The following EPHA3 variants were observed in gnomAD, a reference collection of about 807,000 sequenced individuals.
The protein encoded by EPHA3 is ephrin type-A receptor 3.
In EPHA3, 42 loss-of-function variants were observed where a neutral mutation model predicts 107.1. The ratio of observed to expected loss-of-function variants is 0.39; its 90% CI spans 0.31 to 0.51. EPHA3 has a LOEUF of 0.51. Among genes scored for constraint, EPHA3 ranks in the 20% least tolerant of loss-of-function variants. The pLI is 0.78. For synonymous variants in EPHA3, 461 were observed against 424.8 expected (o/e 1.09, Z -1.05); for missense variants, 1,183 against 1,211.2 (o/e 0.98, Z 0.35).
intron 6 of EPHA3, among the ~76,000 whole-genome samples, chr3:89,396,524 G>A (rs1176140160): frequency 2.0e-5 from 3 of 151,922 alleles, no homozygotes; most frequent in Non-Finnish European, 4.4e-5. Context: ...AAAAAAAATA[G>A]GCACATGGTT....
At chr3:89,392,257 T>C (rs566247800) in intron 5 of EPHA3, among the ~76,000 whole-genome samples, 3 of 152,124 alleles carry the variant, frequency 2.0e-5, no homozygotes, top group Non-Finnish European at 4.4e-5. Flanking sequence ...CTTGCCAACA[T>C]GCGAAACCCT....
intron 2 of EPHA3, among the ~76,000 whole-genome samples, chr3:89,199,583 C>G (rs1559596680): frequency 2.0e-5 from 3 of 152,102 alleles, no homozygotes; most frequent in Non-Finnish European, 2.9e-5. Flanking sequence ...TCTTTGAATA[C>G]TTTTAATAAT....
intron 7 of EPHA3, among the ~76,000 whole-genome samples, chr3:89,405,695 G>A (rs1376291238): frequency 1.3e-5 from 2 of 152,122 alleles, no homozygotes; most frequent in Admixed American, 1.3e-4. Flanking sequence ...TCCTGGGGAG[G>A]TGATAGTATT....
intron 7 of EPHA3, among the ~76,000 whole-genome samples, chr3:89,404,985 T>C (rs1447688663): frequency 2.0e-5 from 3 of 152,190 alleles, no homozygotes; most frequent in Admixed American, 2.0e-4. Context: ...TTCACAGATC[T>C]GTAGCCAATG....
chr3:89,154,776 T>G (rs1704762647), intron 2 of EPHA3, among the ~76,000 whole-genome samples: 1 of 150,944 alleles, frequency 6.6e-6, no homozygotes, highest in African/African-American at 2.4e-5. Context: ...AACAGGATTT[T>G]ATTTGAGACA....
chr3:89,201,677 C>T (rs1705971859), intron 2 of EPHA3, among the ~76,000 whole-genome samples: 1 of 152,176 alleles, frequency 6.6e-6, no homozygotes, highest in Admixed American at 6.5e-5. Context: ...TTAAATGAAT[C>T]TGTATCTTAC....
intron 2 of EPHA3, among the ~76,000 whole-genome samples, chr3:89,181,135 T>A (rs1395131758): frequency 6.6e-6 from 1 of 152,028 alleles, no homozygotes; most frequent in Non-Finnish European, 1.5e-5. Context: ...TTTATTTAAA[T>A]GACTTTTGTA....
chr3:89,234,578 C>T (rs1207540662), intron 3 of EPHA3, among the ~76,000 whole-genome samples: 1 of 152,130 alleles, frequency 6.6e-6, no homozygotes, highest in African/African-American at 2.4e-5. Context: ...TCAATTACAT[C>T]TAGAGGTGAA....
intron 2 of EPHA3, among the ~76,000 whole-genome samples, chr3:89,147,758 G>A (rs1405260048): frequency 6.6e-6 from 1 of 151,734 alleles, no homozygotes; most frequent in Admixed American, 6.6e-5. Context: ...GTATAATATA[G>A]GGCATCAAAA....
chr3:89,221,354 T>C (rs944070258), intron 3 of EPHA3, among the ~76,000 whole-genome samples: 1 of 152,334 alleles, frequency 6.6e-6, no homozygotes. Context: ...ATTCACGTAA[T>C]GGTCATCGTA....
intron 1 of EPHA3, among the ~76,000 whole-genome samples, chr3:89,124,097 T>C (rs1473226773): frequency 2.0e-5 from 3 of 152,296 alleles, no homozygotes; most frequent in Admixed American, 6.5e-5. Context: ...CTAGTGCAAT[T>C]AAAATTCAGT....
intron 7 of EPHA3, chr3:89,400,290 G>A: frequency 5.8e-6 from 1 of 172,618 alleles, no homozygotes; most frequent in Non-Finnish European, 1.1e-5. Context: ...TGCAAGCTCC[G>A]CCTCCTGGCT....
In EPHA3 at chr3:89,399,469, C is replaced by G. The variant is rs1188603929; in HGVS notation, c.1583C>G (p.Thr528Ser). Residue 528 changes from threonine (T) to serine (S), a missense_variant, in exon 7 of 17, where the codon ACT (threonine) becomes AGT (serine). Coordinates refer to ENST00000336596, the MANE Select transcript of EPHA3 (RefSeq NM_005233.6). ...GTNSRKFEFE[T>S]SPDSFSISGE... ...AACAGCCGCAAGTTTGAGTTTGAAA[C>G]TAGTCCAGACTGTATGTATTATTTC... 6 of 1,614,044 alleles carry G rather than the reference C, an allele frequency of 3.7e-6. No homozygotes were observed. The South Asian group carries it at 6.6e-5, about 18-fold the overall frequency.
intron 2 of EPHA3, among the ~76,000 whole-genome samples, chr3:89,184,046 T>C (rs1172679115): frequency 6.6e-6 from 1 of 151,962 alleles, no homozygotes; most frequent in African/African-American, 2.4e-5. Flanking sequence ...CCTTTAAATA[T>C]ATTCACATGA....
At chr3:89,471,778 T>C (rs1347558484) in intron 15 of EPHA3, among the ~76,000 whole-genome samples, 1 of 152,094 alleles carries the variant, frequency 6.6e-6, no homozygotes, top group African/African-American at 2.4e-5. Context: ...ATTATGTATA[T>C]ATCATGTGTA....
At chr3:89,309,264 C>T (rs965664599) in intron 3 of EPHA3, among the ~76,000 whole-genome samples, 1 of 152,006 alleles carries the variant, frequency 6.6e-6, no homozygotes, top group African/African-American at 2.4e-5. Flanking sequence ...CAAATATTTT[C>T]AAGACGAAAA....
chr3:89,145,090 T>A (rs1357681262), intron 2 of EPHA3, among the ~76,000 whole-genome samples: 1 of 151,650 alleles, frequency 6.6e-6, no homozygotes, highest in Admixed American at 6.6e-5. Context: ...GAATTCATCC[T>A]CTAAACAAAA....
At chr3:89,259,425 C>T (rs1705364127) in intron 3 of EPHA3, among the ~76,000 whole-genome samples, 1 of 152,142 alleles carries the variant, frequency 6.6e-6, no homozygotes, top group Non-Finnish European at 1.5e-5. Flanking sequence ...CTGAAATATG[C>T]TTGGAACATG....
Position 89,219,688 on chromosome 3 carries a change from G to GTGTTTTTTT in EPHA3, c.814+9169_814+9170insGTTTTTTTT. Among the ~76,000 whole-genome samples the GTGTTTTTTT allele has an allele frequency of 3.9e-3, 136 of 34,442 alleles. 44 individuals carry two copies. Among genetic ancestry groups the GTGTTTTTTT allele is most frequent in the Non-Finnish European group, 6.0e-3 (115 of 19,126 alleles). 22.6% of individuals were successfully genotyped at this position (34,442 alleles called of 152,430 possible). On this transcript the variant is annotated intron_variant, in intron 3 of 16. Coordinates refer to ENST00000336596, the MANE Select transcript of EPHA3 (RefSeq NM_005233.6). ...TTACCTCCAAGAGGCATTTGGCAAT[G>GTGTTTTTTT]TTTTTTTTTTTTTTGTTTTTTGTTT...
Sources: gnomAD v4.1 joint callset for allele counts (sites outside exome capture counted in the v4.1 genomes callset) on GRCh38, gnomAD v4.1.1 for gene constraint, MANE v1.5 for transcripts, NCBI Gene and HGNC (gene_info 2026-07-23, HGNC 2026-07-21) for gene names.